The following CSMD1 variants were observed in gnomAD, a reference collection of about 807,000 sequenced individuals.
CSMD1 encodes the protein CUB and Sushi multiple domains 1, also known as CUB and sushi domain-containing protein 1.
A neutral mutation model predicts 417.5 loss-of-function variants in CSMD1; 213 were observed. That is an observed-to-expected ratio of 0.51 (90% CI 0.46 to 0.57). CSMD1 has a LOEUF of 0.57. Among genes scored for constraint, CSMD1 ranks in the 20% least tolerant of loss-of-function variants. The pLI is 0.00. For synonymous variants in CSMD1, 2,862 were observed against 1,736.8 expected (o/e 1.65, Z -16.11); for missense variants, 6,923 against 4,529.7 (o/e 1.53, Z -15.17).
chr8:4,144,231 C>G (rs1299096950), intron 3 of CSMD1, among the ~76,000 whole-genome samples: 1 of 150,990 alleles, frequency 6.6e-6, no homozygotes, highest in Non-Finnish European at 1.5e-5. Flanking sequence ...TGATTCAGCA[C>G]AAACTGGCCG....
intron 52 of CSMD1, among the ~76,000 whole-genome samples, chr8:3,006,655 A>T (rs1248665546): frequency 6.7e-6 from 1 of 149,938 alleles, no homozygotes; most frequent in Non-Finnish European, 1.5e-5. Flanking sequence ...CAAACCTGAG[A>T]AAAACAAGCA....
In CSMD1 at chr8:3,313,946, A is replaced by T. The variant is rs550382286; in HGVS notation, c.3632-5443T>A. 7.5e-4 allele frequency among the ~76,000 whole-genome samples: 114 copies of T among 152,326 alleles called. No individual in the cohort carries two copies. In the Middle Eastern group the frequency reaches 0.01, roughly 14 times the overall value. The stretch of plus-strand genomic sequence containing the variant: ...CATGGAATACTATGCAGCCATAAAA[A>T]ATGATGAGTTCATGTCCTTTGTAGG... On this transcript the variant is annotated intron_variant, in intron 23 of 69. Transcript: ENST00000635120.
chr8:3,143,307 A>T (rs957620769), intron 40 of CSMD1, among the ~76,000 whole-genome samples: 1 of 152,182 alleles, frequency 6.6e-6, no homozygotes, highest in African/African-American at 2.4e-5. Context: ...CTATTGTGTT[A>T]CGTGTGCAAA....
At chr8:4,905,825 A>C (rs1202747993) in intron 1 of CSMD1, among the ~76,000 whole-genome samples, 1 of 147,068 alleles carries the variant, frequency 6.8e-6, no homozygotes, top group Non-Finnish European at 1.5e-5. Context: ...ATCTCAAAAA[A>C]AAAAAAAAAG....
intron 5 of CSMD1, among the ~76,000 whole-genome samples, chr8:3,799,772 C>G (rs1463226745): frequency 6.6e-6 from 1 of 152,008 alleles, no homozygotes; most frequent in Non-Finnish European, 1.5e-5. Flanking sequence ...ACTGCTAAAT[C>G]CAATTTTCAT....
intron 2 of CSMD1, among the ~76,000 whole-genome samples, chr8:4,428,674 T>A (rs767163558): frequency 5.3e-5 from 8 of 152,160 alleles, no homozygotes; most frequent in Non-Finnish European, 1.2e-4. Flanking sequence ...GCTGATAATG[T>A]CATATTAATA....
intron 1 of CSMD1, among the ~76,000 whole-genome samples, chr8:4,932,855 C>G (rs568200197): frequency 6.6e-6 from 1 of 152,204 alleles, no homozygotes; most frequent in Non-Finnish European, 1.5e-5. Context: ...GTCCTGTCGA[C>G]GCCTCAAACA....
intron 5 of CSMD1, among the ~76,000 whole-genome samples, chr8:3,782,558 A>T (rs563138699): frequency 5.3e-4 from 81 of 152,326 alleles, no homozygotes; most frequent in Admixed American, 2.5e-3. Flanking sequence ...TGATGAGTTG[A>T]TGGGCGCAGC....
intron 3 of CSMD1, among the ~76,000 whole-genome samples, chr8:4,032,369 C>CA (rs1439079071): frequency 1.3e-5 from 2 of 152,072 alleles, no homozygotes; most frequent in East Asian, 3.9e-4. Flanking sequence ...TTCAGTGTTC[C>CA]AGATAATGTC....
intron 10 of CSMD1, among the ~76,000 whole-genome samples, chr8:3,563,535 T>C (rs564469563): frequency 6.7e-6 from 1 of 150,270 alleles, no homozygotes; most frequent in African/African-American, 2.4e-5. Flanking sequence ...CCCTGTATCT[T>C]AAACCATATA....
chr8:4,637,832 G>A (rs1029848539), intron 1 of CSMD1, among the ~76,000 whole-genome samples: 3 of 151,298 alleles, frequency 2.0e-5, no homozygotes, highest in Admixed American at 6.6e-5. Context: ...CACCGCGCCC[G>A]GCTAATTTTT....
chr8:3,531,455 T>C (rs573967697), intron 10 of CSMD1, among the ~76,000 whole-genome samples: 13 of 152,120 alleles, frequency 8.5e-5, no homozygotes, highest in African/African-American at 2.9e-4. Flanking sequence ...CCTCAAAAAA[T>C]CAAATATAAA....
At position 4,532,330 on chromosome 8, in the gene CSMD1, T is replaced by A. The variant is rs140036286; in HGVS notation, c.302+105012A>T. ...CCAGAAAAGAAATCCTGCACCTCCA[T>A]TCAGTCACTCTGAAAGAGAAATCCT... On this transcript the variant is annotated intron_variant, in intron 2 of 69. Coordinates refer to ENST00000635120, the MANE Select transcript of CSMD1 (RefSeq NM_033225.6). Among the ~76,000 whole-genome samples, 1,088 of 137,568 alleles carry A rather than the reference T, an allele frequency of 7.9e-3. 17 individuals carry two copies. The highest frequency in any genetic ancestry group is 0.067 in the East Asian group (289 of 4,298). The allele number at this position is 137,568 out of a possible 152,430, so 90.2% of individuals were successfully genotyped here.
intron 1 of CSMD1, among the ~76,000 whole-genome samples, chr8:4,795,758 G>T (rs759129767): frequency 6.6e-6 from 1 of 152,016 alleles, no homozygotes; most frequent in Non-Finnish European, 1.5e-5. Flanking sequence ...AGTTACCTCC[G>T]TACCTGTGCA....
chr8:3,472,174 A>G lies in CSMD1; in HGVS notation c.1449-3350T>C, dbSNP rs139685951. 2.9e-4 allele frequency among the ~76,000 whole-genome samples: 44 copies of G among 152,216 alleles called. No homozygotes were observed. In the East Asian group the frequency reaches 4.5e-3, roughly 15 times the overall value. On this transcript the variant is annotated intron_variant, in intron 11 of 69. Coordinates refer to ENST00000635120, the MANE Select transcript of CSMD1 (RefSeq NM_033225.6). ...AAGGGTTCTTGGCTCTTTTAACCCA[A>G]TAACTTTTCTCTCCACTCTACTGCA...
intron 25 of CSMD1, among the ~76,000 whole-genome samples, chr8:3,302,375 G>T (rs952435347): frequency 2.0e-5 from 3 of 151,928 alleles, no homozygotes. Context: ...CGTCCTTCTT[G>T]GCTGAGTTTC....
At chr8:4,836,370 C>A (rs762892546) in intron 1 of CSMD1, among the ~76,000 whole-genome samples, 2 of 152,210 alleles carry the variant, frequency 1.3e-5, no homozygotes, top group African/African-American at 2.4e-5. Context: ...AGCCATGCCA[C>A]ATCTTGCTGA....
chr8:3,587,913 T>C (rs1301269357), intron 8 of CSMD1, among the ~76,000 whole-genome samples: 1 of 152,098 alleles, frequency 6.6e-6, no homozygotes. Context: ...AAGAACATAA[T>C]ATGTACTAAT....
intron 54 of CSMD1, among the ~76,000 whole-genome samples, chr8:2,992,186 C>T (rs1047985654): frequency 1.1e-5 from 1 of 89,712 alleles, no homozygotes; most frequent in Admixed American, 1.0e-4. Flanking sequence ...CATGAACACA[C>T]ACATGCACAC....
Sources: allele counts gnomAD v4.1 joint callset (sites outside exome capture counted in the v4.1 genomes callset), GRCh38; gene constraint gnomAD v4.1.1; transcripts MANE v1.5; gene names NCBI Gene and HGNC (gene_info 2026-07-23, HGNC 2026-07-21).